Variants in IGDCC4 observed in about 807,000 individuals in gnomAD.
The protein encoded by IGDCC4 is likely ortholog of mouse neighbor of Punc E11.
A neutral mutation model predicts 116.6 loss-of-function variants in IGDCC4; 72 were observed. The observed-to-expected ratio is 0.62, with a 90% CI of 0.51 to 0.75. The LOEUF is 0.75. Ranked by LOEUF, IGDCC4 falls within the 30% of genes least tolerant of loss-of-function variation. The pLI is 0.00. For missense variants in IGDCC4, 1,501 were observed against 1,662.4 expected (o/e 0.90, Z 1.69); for synonymous variants, 709 against 719.9 (o/e 0.98, Z 0.24).
Position 65,402,824 on chromosome 15 carries a change from A to G in IGDCC4, c.564-337T>C, listed in dbSNP as rs553031539. Among the ~76,000 whole-genome samples the G allele has an allele frequency of 1.2e-3, 188 of 152,244 alleles. 1 individual carries two copies. Among genetic ancestry groups the G allele is most frequent in the Non-Finnish European group, 2.3e-3 (158 of 68,006 alleles). ...GGAGGTTGCGGTGAGCCAAGATTGC[A>G]CCATTGCACTCCAGCCTGGGCGACA... On this transcript the variant is annotated intron_variant, in intron 3 of 19. Transcript: ENST00000352385.
intron 3 of IGDCC4, among the ~76,000 whole-genome samples, chr15:65,407,771 C>A (rs977461566): frequency 5.3e-5 from 8 of 151,334 alleles, no homozygotes; most frequent in Admixed American, 6.6e-5. Flanking sequence ...GGATTACAGG[C>A]ATGCGTCACC....
rs767019428 is a variant in IGDCC4 at position 65,411,236 on chromosome 15, T to C, written c.205A>G (p.Arg69Gly). The C allele has an allele frequency of 1.2e-5, 20 of 1,614,016 alleles. No homozygotes were observed. The highest frequency in any genetic ancestry group is 1.7e-5 in the Non-Finnish European group (20 of 1,180,018). The change falls in exon 2 of 20, where the codon AGG (arginine) becomes GGG (glycine). Residue 69 changes from arginine to glycine, a missense_variant. Physicochemically the swap from Arg to Gly is moderately radical, Grantham distance 125. Coordinates refer to ENST00000352385, the MANE Select transcript of IGDCC4 (RefSeq NM_020962.3). ...LGAAAAGPPT[R>G]VTWSKDGDTL... Reference sequence around the variant, plus strand: ...TCCCCATCCTTGCTCCAGGTCACCCTGGTGGGGGGTCCAGCGGCAGCAGCC... The same window carrying C: ...TCCCCATCCTTGCTCCAGGTCACCCCGGTGGGGGGTCCAGCGGCAGCAGCC...
rs1010361561 is a variant in IGDCC4 at position 65,422,840 on chromosome 15, C to T, written c.23G>A (p.Arg8His). Residue 8 changes from arginine to histidine, a missense_variant, in exon 1 of 20, where the codon CGC (arginine) becomes CAC (histidine). By Grantham distance (29) the Arg-to-His change is conservative. Coordinates refer to ENST00000352385, the MANE Select transcript of IGDCC4 (RefSeq NM_020962.3). ...GGTCAACGCGAGGAGCCCGCGGCCG[C>T]GGCCGGCGTCCCCCCGCGCCATGGG... Reference protein sequence around the residue: MARGDAGRGRGLLALTFC... With the variant: MARGDAGHGRGLLALTFC... The T allele has an allele frequency of 1.4e-5, 17 of 1,207,472 alleles. No homozygotes were observed. In the African/African-American group the frequency reaches 1.8e-4, roughly 13 times the overall value. 74.8% of individuals were successfully genotyped at this position (1,207,472 alleles called of 1,614,324 possible).
At position 65,421,816 on chromosome 15, in the gene IGDCC4, C is replaced by T. The variant is rs189979751; in HGVS notation, c.70+977G>A. On this transcript the variant is annotated intron_variant, in intron 1 of 19. Coordinates refer to ENST00000352385, the MANE Select transcript of IGDCC4 (RefSeq NM_020962.3). ...CCTGCCACCTACACTCCCCATGAGC[C>T]GCCCCCAAACGCACACCGGACAGGA... Among the ~76,000 whole-genome samples, 787 of 152,180 alleles carry T rather than the reference C, an allele frequency of 5.2e-3. 3 individuals carry two copies. Among genetic ancestry groups the T allele is most frequent in the Non-Finnish European group, 8.2e-3 (555 of 67,980 alleles).
intron 5 of IGDCC4, among the ~76,000 whole-genome samples, chr15:65,398,188 C>A (rs1255446996): frequency 6.6e-6 from 1 of 152,100 alleles, no homozygotes; most frequent in East Asian, 1.9e-4. Context: ...GTGTTTTCTG[C>A]ATCTATTTTT....
In IGDCC4 at chr15:65,391,736, C is replaced by A. The variant is rs564557279; in HGVS notation, c.2224+144G>T. On this transcript the variant is annotated intron_variant, in intron 12 of 19. Transcript: ENST00000352385. ...GGCTCTCTGGAGCTAAAAGAGGACC[C>A]CTGATCCTAGGAGAATGGGTTTGGG... The A allele has an allele frequency of 1.9e-4, 135 of 698,730 alleles. No individual in the cohort carries two copies. The South Asian group carries it at 2.1e-3, about 11-fold the overall frequency. 43.3% of individuals were successfully genotyped at this position (698,730 alleles called of 1,614,324 possible).
At chr15:65,420,240 C>T (rs1048917816) in intron 1 of IGDCC4, among the ~76,000 whole-genome samples, 1 of 152,228 alleles carries the variant, frequency 6.6e-6, no homozygotes, top group Non-Finnish European at 1.5e-5. Context: ...AGCCACCGCA[C>T]CCGGCCTATT....
intron 4 of IGDCC4, among the ~76,000 whole-genome samples, chr15:65,401,469 G>C (rs967008655): frequency 1.3e-5 from 2 of 152,190 alleles, no homozygotes; most frequent in Non-Finnish European, 2.9e-5. Context: ...GGCCCCCTGG[G>C]TGGAGTGGTG....
Position 65,393,512 on chromosome 15 carries a change from C to G in IGDCC4, c.1734G>C (p.Glu578Asp). Residue 578 changes from glutamate (E) to aspartate (D), a missense_variant, in exon 10 of 20, where the codon GAG (glutamate) becomes GAC (aspartate). Glu to Asp is a conservative substitution (Grantham distance 45, BLOSUM62 2). Around this residue, in one of 3 missense-constraint regions of IGDCC4, gnomAD observed 898 missense variants for 978.9 expected, o/e 0.92. Coordinates refer to ENST00000352385, the MANE Select transcript of IGDCC4 (RefSeq NM_020962.3). This position sits in a 1 kb window ranked among gnomAD's most constrained non-coding sequence, Gnocchi z 4.6. ...LGKEDQIFSTEVRGNETQLML... is the reference protein window; with the variant it reads ...LGKEDQIFSTDVRGNETQLML... ...TAAGCTGTGTCTCATTTCCTCGCAC[C>G]TCAGTAGAGAAAATCTGATCTGCAG... The G allele has an allele frequency of 1.2e-6, 2 of 1,603,434 alleles. No homozygotes were observed. Among genetic ancestry groups the G allele is most frequent in the Middle Eastern group, 1.7e-4 (1 of 6,028 alleles).
intron 3 of IGDCC4, 38 bp from the exon 4 acceptor site, chr15:65,402,525 G>C (rs2062998330): frequency 6.4e-7 from 1 of 1,553,358 alleles, no homozygotes; most frequent in Admixed American, 2.0e-5. Context: ...GAGGTGGGCA[G>C]GGGGGCCACA....
intron 1 of IGDCC4, among the ~76,000 whole-genome samples, chr15:65,416,416 C>G (rs1044121906): frequency 3.3e-5 from 5 of 152,162 alleles, no homozygotes; most frequent in Non-Finnish European, 5.9e-5. Flanking sequence ...GGATTACAGG[C>G]ATGAGCCACC....
Position 65,385,227 on chromosome 15 carries a change from C to T in IGDCC4, c.3181-112G>A, listed in dbSNP as rs2091443607. On this transcript the variant is annotated intron_variant, in intron 18 of 19. Transcript: ENST00000352385. ...CGCGGGGGAGCAGGGTCCAGACTGT[C>T]ACCCGCTGCTCTCTCCCTCTCCAAG... 3 of 1,117,354 alleles carry T rather than the reference C, an allele frequency of 2.7e-6. No individual in the cohort carries two copies. In the Admixed American group the frequency reaches 8.8e-5, roughly 33 times the overall value. 69.2% of individuals were successfully genotyped at this position (1,117,354 alleles called of 1,614,324 possible). A position where few individuals can be genotyped will look rare whatever the true frequency, so the allele number is the denominator to read the frequency against.
chr15:65,410,399 T>TCCGCATGGAGACACAGAAACACAC lies in IGDCC4; in HGVS notation c.422-104_422-81dup, dbSNP rs1342114113. On this transcript the variant is annotated intron_variant, in intron 2 of 19. Coordinates refer to ENST00000352385, the MANE Select transcript of IGDCC4 (RefSeq NM_020962.3). ...CAGCAAGCACAAACAGTGAAACACA[T>TCCGCATGGAGACACAGAAACACAC]CCGCATGGAGACACAGAAACACACA... 2.2e-5 allele frequency: 33 copies of TCCGCATGGAGACACAGAAACACAC among 1,534,372 alleles called. No homozygotes were observed. The East Asian group carries it at 6.1e-4, about 29-fold the overall frequency.
At chr15:65,408,905 A>G (rs1383535741) in intron 3 of IGDCC4, among the ~76,000 whole-genome samples, 1 of 146,462 alleles carries the variant, frequency 6.8e-6, no homozygotes, top group Non-Finnish European at 1.5e-5. Context: ...ATGCAGTGGC[A>G]TTATTCCAGC....
chr15:65,396,832 AC>A lies in IGDCC4; in HGVS notation c.997+1del. ...CTCCCTCCGCCCTTCGGCCCGCCTC[AC>A]CCAGCACACGGAGCTCAGCGGCTGC... On this transcript the variant is annotated splice_donor_variant, in intron 6 of 19. Coordinates refer to ENST00000352385, the MANE Select transcript of IGDCC4 (RefSeq NM_020962.3). LOFTEE classifies it high-confidence loss of function. The A allele has an allele frequency of 6.4e-7, 1 of 1,565,864 alleles. No individual in the cohort carries two copies. Among genetic ancestry groups the A allele is most frequent in the Non-Finnish European group, 8.7e-7 (1 of 1,155,214 alleles).
intron 5 of IGDCC4, 114 bp downstream of exon 5, chr15:65,400,692 C>G: frequency 1.5e-6 from 2 of 1,349,874 alleles, no homozygotes; most frequent in Admixed American, 4.9e-5. Context: ...TCGTGCCACA[C>G]CAGAAGGTTC....
chr15:65,403,500 T>C (rs1349344831), intron 3 of IGDCC4, among the ~76,000 whole-genome samples: 1 of 152,194 alleles, frequency 6.6e-6, no homozygotes, highest in African/African-American at 2.4e-5. Context: ...ATACTCTTTA[T>C]TCACACTATC....
rs1408675862 is a variant in IGDCC4 at position 65,395,237 on chromosome 15, T to C, written c.1433A>G (p.Gln478Arg). Reference sequence around the variant, plus strand: ...TGTGGTGTCGTTGTTCACTGCAAACTGGTATTCCACATTGTCCATGCCTGG... The same window carrying C: ...TGTGGTGTCGTTGTTCACTGCAAACCGGTATTCCACATTGTCCATGCCTGG... ...KARGMDNVEYQFAVNNDTTEL... is the reference protein window; with the variant it reads ...KARGMDNVEYRFAVNNDTTEL... The change falls in exon 8 of 20, where the codon CAG becomes CGG. Residue 478 changes from glutamine (Q) to arginine (R), a missense_variant. This residue lies in a region of IGDCC4 where 898 missense variants were observed against 978.9 expected (regional missense o/e 0.92). Transcript: ENST00000352385. 6.2e-7 allele frequency: 1 copy of C among 1,613,512 alleles called. No homozygotes were observed.
At chr15:65,400,373 A>G (rs959865062) in intron 5 of IGDCC4, among the ~76,000 whole-genome samples, 5 of 152,190 alleles carry the variant, frequency 3.3e-5, no homozygotes, top group African/African-American at 1.2e-4. Flanking sequence ...GCTGGGGTGG[A>G]CCCAGAGCTT....
Sources: allele counts gnomAD v4.1 joint callset (sites outside exome capture counted in the v4.1 genomes callset), GRCh38; gene constraint gnomAD v4.1.1; regional missense constraint gnomAD v4.1.1; non-coding constraint Gnocchi (gnomAD v3.1); transcripts MANE v1.5; gene names NCBI Gene and HGNC (gene_info 2026-07-23, HGNC 2026-07-21).